PGBD5: variants seen among roughly 807,000 people sequenced by gnomAD.
PGBD5 encodes the protein piggyBac transposable element-derived protein 5.
Under a neutral mutation model 47.9 loss-of-function variants are expected in PGBD5, and 14 were observed. The ratio of observed to expected loss-of-function variants is 0.29; its 90% CI spans 0.19 to 0.46. The LOEUF (loss-of-function observed/expected upper bound fraction) is 0.46, where lower values mean the gene tolerates loss of function less well. Among genes scored for constraint, PGBD5 ranks in the 20% least tolerant of loss-of-function variants. The pLI, the probability that PGBD5 is intolerant of heterozygous loss-of-function variation, is 1.00. For synonymous variants in PGBD5, 316 were observed against 306.3 expected, an observed-to-expected ratio of 1.03 and a Z score of -0.33; for missense variants, 635 against 716.0, an observed-to-expected ratio of 0.89 and a Z score of 1.29.
At position 230,337,292 on chromosome 1, in the gene PGBD5, T is replaced by C; in HGVS notation, c.895-4A>G. 1.9e-6 allele frequency: 3 copies of C among 1,606,038 alleles called. No individual in the cohort carries two copies. Among genetic ancestry groups the C allele is most frequent in the Non-Finnish European group, 2.5e-6 (3 of 1,177,188 alleles). On this transcript the variant is annotated splice_region_variant and splice_polypyrimidine_tract_variant and intron_variant, in intron 3 of 6. Transcript: ENST00000391860. Reference sequence around the variant, plus strand: ...CTTCCTTCAGGTGGACATAAATCTTTAACAGAAACACACAGAGGTTAGCGT... The same window carrying C: ...CTTCCTTCAGGTGGACATAAATCTTCAACAGAAACACACAGAGGTTAGCGT...
chr1:230,399,443 G>A (rs901541582), intron 1 of PGBD5, among the ~76,000 whole-genome samples: 2 of 152,180 alleles, frequency 1.3e-5, no homozygotes, highest in African/African-American at 4.8e-5. Context: ...GGGGCTACCT[G>A]CAGACCTAAC....
In PGBD5 at chr1:230,321,721, T is replaced by C. The variant is rs1667034188; in HGVS notation, c.*1704A>G. On this transcript the variant is annotated 3_prime_UTR_variant, in exon 7 of 7. Transcript: ENST00000391860. ...GAAAATTCATCAGCTTTCATTAGAG[T>C]CTCCTTAAGTGTTGGAAACACATTA... is the stretch of plus-strand genomic sequence containing the variant. The C allele has an allele frequency of 6.6e-6, 1 of 152,636 alleles. No individual in the cohort carries two copies. Among genetic ancestry groups the C allele is most frequent in the Non-Finnish European group, 1.5e-5 (1 of 68,042 alleles). 9.5% of individuals were successfully genotyped at this position (152,636 alleles called of 1,614,324 possible). A position where few individuals can be genotyped will look rare whatever the true frequency, so the allele number is the denominator to read the frequency against.
chr1:230,412,382 A>G lies in PGBD5; in HGVS notation c.331+13216T>C, dbSNP rs561044448. On this transcript the variant is annotated intron_variant, in intron 1 of 6. Coordinates refer to ENST00000391860, the MANE Select transcript of PGBD5 (RefSeq NM_001258311.2). ...TCATTAAGGGGAAATGGATCATCCT[A>G]AAGTCTTTTTTTTTTTTTTTTTTTG... 8.6e-3 allele frequency among the ~76,000 whole-genome samples: 1,286 copies of G among 149,792 alleles called. 6 individuals carry two copies. The highest frequency in any genetic ancestry group is 0.013 in the Non-Finnish European group (875 of 67,678).
At chr1:230,419,991 T>C (rs1325210839) in intron 1 of PGBD5, among the ~76,000 whole-genome samples, 2 of 152,060 alleles carry the variant, frequency 1.3e-5, no homozygotes, top group African/African-American at 2.4e-5. Context: ...CCAGGCGTGG[T>C]GGTGCGTGCC....
intron 1 of PGBD5, among the ~76,000 whole-genome samples, chr1:230,406,513 C>G (rs1340944952): frequency 6.6e-6 from 1 of 151,724 alleles, no homozygotes; most frequent in African/African-American, 2.4e-5. Context: ...AGTATGTTGT[C>G]CAGATAACTT....
At chr1:230,422,782 G>A (rs1415015747) in intron 1 of PGBD5, among the ~76,000 whole-genome samples, 3 of 152,104 alleles carry the variant, frequency 2.0e-5, no homozygotes, top group African/African-American at 4.8e-5. Context: ...CTGAAGAATG[G>A]CGAGGATTTC....
intron 1 of PGBD5, among the ~76,000 whole-genome samples, chr1:230,404,965 C>T (rs964516594): frequency 6.8e-6 from 1 of 146,524 alleles, no homozygotes; most frequent in African/African-American, 2.5e-5. Flanking sequence ...CAAGGTATCA[C>T]TCAGCTATCA....
intron 1 of PGBD5, among the ~76,000 whole-genome samples, chr1:230,408,864 C>T (rs1445152389): frequency 1.3e-5 from 2 of 152,022 alleles, no homozygotes; most frequent in African/African-American, 4.8e-5. Flanking sequence ...TGGGATGTCA[C>T]AAAATGTACA....
intron 1 of PGBD5, among the ~76,000 whole-genome samples, chr1:230,386,662 T>G (rs1656651352): frequency 6.6e-6 from 1 of 152,242 alleles, no homozygotes; most frequent in Non-Finnish European, 1.5e-5. Context: ...ATTCATTTAC[T>G]TATTGGCCTT....
chr1:230,366,382 T>G (rs2102713561), intron 1 of PGBD5, among the ~76,000 whole-genome samples: 1 of 152,110 alleles, frequency 6.6e-6, no homozygotes, highest in African/African-American at 2.4e-5. Flanking sequence ...TTTTTTCCAC[T>G]ATCTATCTGA....
rs140313354 is a variant in PGBD5, at chr1:230,348,096, A to G, written c.894+2862T>C. ...ACAGCACAATGGGAGAGGACCCTTA[A>G]TACGGTCAGCTGCAACTGAGCTTCC... On this transcript the variant is annotated intron_variant, in intron 3 of 6. Transcript: ENST00000391860. Among the ~76,000 whole-genome samples, 22 of 152,336 alleles carry G rather than the reference A, an allele frequency of 1.4e-4. No homozygotes were observed. The East Asian group carries it at 3.9e-3, about 27-fold the overall frequency.
intron 1 of PGBD5, among the ~76,000 whole-genome samples, chr1:230,384,537 G>A (rs947321303): frequency 7.9e-5 from 12 of 152,242 alleles, no homozygotes; most frequent in Admixed American, 6.5e-4. Context: ...CACTGGGCAC[G>A]CGCTGGACAG....
At chr1:230,363,721 T>C (rs921409419) in intron 1 of PGBD5, among the ~76,000 whole-genome samples, 5 of 152,212 alleles carry the variant, frequency 3.3e-5, no homozygotes, top group Non-Finnish European at 7.3e-5. Flanking sequence ...CGTTTTGTGA[T>C]ATAGATAGAA....
chr1:230,368,914 A>G (rs1423022020), intron 1 of PGBD5, among the ~76,000 whole-genome samples: 1 of 152,272 alleles, frequency 6.6e-6, no homozygotes, highest in East Asian at 1.9e-4. Context: ...GGTTCAACAC[A>G]CAGTCTCAGG....
chr1:230,420,366 C>T (rs1314274304), intron 1 of PGBD5, among the ~76,000 whole-genome samples: 1 of 152,106 alleles, frequency 6.6e-6, no homozygotes, highest in African/African-American at 2.4e-5. Context: ...ATACATGAAG[C>T]ACATATTCTG....
At chr1:230,414,489 T>C (rs1475858319) in intron 1 of PGBD5, among the ~76,000 whole-genome samples, 2 of 152,238 alleles carry the variant, frequency 1.3e-5, no homozygotes, top group East Asian at 3.8e-4. Flanking sequence ...AGTCTATACA[T>C]TTATAATACA....
chr1:230,360,431 G>A (rs1305747477), intron 1 of PGBD5, among the ~76,000 whole-genome samples: 1 of 152,162 alleles, frequency 6.6e-6, no homozygotes, highest in East Asian at 1.9e-4. Flanking sequence ...ATATGGTCTG[G>A]CTCTGTGTCC....
intron 2 of PGBD5, among the ~76,000 whole-genome samples, chr1:230,355,671 GC>G (rs1204622169): frequency 6.6e-6 from 1 of 152,198 alleles, no homozygotes; most frequent in East Asian, 1.9e-4. Flanking sequence ...GCATCTGGCT[GC>G]CCCATCAATA....
chr1:230,406,390 A>G (rs1657298454), intron 1 of PGBD5, among the ~76,000 whole-genome samples: 1 of 152,038 alleles, frequency 6.6e-6, no homozygotes, highest in South Asian at 2.1e-4. Context: ...AAATGTTGCA[A>G]TAATTAAAGA....
Sources: allele counts gnomAD v4.1 joint callset (sites outside exome capture counted in the v4.1 genomes callset), GRCh38; gene constraint gnomAD v4.1.1; transcripts MANE v1.5; gene names NCBI Gene and HGNC (gene_info 2026-07-23, HGNC 2026-07-21).